PCDHGB5: variants seen among roughly 807,000 people sequenced by gnomAD.
The protein encoded by PCDHGB5 is protocadherin gamma subfamily B, 5.
A neutral mutation model predicts 62.9 loss-of-function variants in PCDHGB5; 48 were observed. The observed-to-expected ratio is 0.76, with a 90% CI of 0.61 to 0.97. The LOEUF (loss-of-function observed/expected upper bound fraction) is 0.97. Among genes scored for constraint, PCDHGB5 ranks in the 50% least tolerant of loss-of-function variants. PCDHGB5 has a pLI of 0.00. For synonymous variants in PCDHGB5, 474 were observed against 511.2 expected, an observed-to-expected ratio of 0.93 and a Z score of 0.98; for missense variants, 1,118 against 1,198.6, an observed-to-expected ratio of 0.93 and a Z score of 0.99.
Position 141,400,052 on chromosome 5 carries a change from T to C in PCDHGB5, c.1925T>C (p.Val642Ala). The change falls in exon 1 of 4, where the codon GTG becomes GCG. Residue 642 changes from valine to alanine, a missense_variant. By Grantham distance (64) the Val-to-Ala change is moderately conservative. This residue lies in a region of PCDHGB5 where 1,034 missense variants were observed against 1,029.1 expected (regional missense o/e 1.00). Transcript: ENST00000617380. ...GCCCGCCAGCGCCTGCTGGTTGCTG[T>C]GCGTGATGGTGGACAGCCGCCACTC... ...DAARQRLLVA[V>A]RDGGQPPLSA... 6.2e-7 allele frequency: 1 copy of C among 1,613,686 alleles called. No homozygotes were observed. The highest frequency in any genetic ancestry group is 8.5e-7 in the Non-Finnish European group (1 of 1,179,840).
chr5:141,441,927 G>A (rs2098285195), intron 1 of PCDHGB5: 2 of 354,242 alleles, frequency 5.6e-6, no homozygotes, highest in Non-Finnish European at 1.1e-5. Flanking sequence ...ACAATGCGTG[G>A]CTGTCCTACC....
intron 1 of PCDHGB5, chr5:141,405,392 T>C: frequency 6.3e-7 from 1 of 1,596,104 alleles, no homozygotes; most frequent in Non-Finnish European, 8.5e-7. Flanking sequence ...TTCATTTTTT[T>C]TCTTTCTTTC....
At chr5:141,422,888 T>C in intron 1 of PCDHGB5, 2 of 1,614,262 alleles carry the variant, frequency 1.2e-6, no homozygotes, top group South Asian at 2.2e-5. Flanking sequence ...CTGTTCGTGC[T>C]GGACCAGAAC....
At chr5:141,468,160 G>C (rs2099158881) in intron 1 of PCDHGB5, among the ~76,000 whole-genome samples, 1 of 151,468 alleles carries the variant, frequency 6.6e-6, no homozygotes, top group African/African-American at 2.4e-5. Context: ...CCCTGTCTCT[G>C]CTAAAAATAG....
chr5:141,403,204 G>A, intron 1 of PCDHGB5: 4 of 1,613,952 alleles, frequency 2.5e-6, no homozygotes, highest in Non-Finnish European at 3.4e-6. Flanking sequence ...GCGGCACCTT[G>A]GTCACCGCGG....
chr5:141,413,435 G>T lies in PCDHGB5; in HGVS notation c.2397+12911G>T, dbSNP rs1018097924. 17 of 1,614,004 alleles carry T rather than the reference G, an allele frequency of 1.1e-5. No homozygotes were observed. The African/African-American group carries it at 2.1e-4, about 20-fold the overall frequency. On this transcript the variant is annotated intron_variant, in intron 1 of 3. Coordinates refer to ENST00000617380, the MANE Select transcript of PCDHGB5 (RefSeq NM_018925.3). Reference sequence around the variant, plus strand: ...TTCTCTCTGAACCCGCGCAGCGGCAGCTTGATCACCGCGGGCAGGATAGAC... The same window carrying T: ...TTCTCTCTGAACCCGCGCAGCGGCATCTTGATCACCGCGGGCAGGATAGAC...
intron 1 of PCDHGB5, chr5:141,423,835 C>T (rs1371309974): frequency 1.2e-5 from 15 of 1,278,290 alleles, no homozygotes; most frequent in African/African-American, 9.4e-5. Flanking sequence ...CATGAGATTA[C>T]GATAATCTTT....
At chr5:141,497,904 A>G (rs939422338) in intron 2 of PCDHGB5, among the ~76,000 whole-genome samples, 2 of 152,136 alleles carry the variant, frequency 1.3e-5, no homozygotes, top group African/African-American at 2.4e-5. Context: ...AGTAACTTCA[A>G]CTTCTCTCCT....
intron 1 of PCDHGB5, among the ~76,000 whole-genome samples, chr5:141,492,482 A>G (rs1339196127): frequency 6.6e-6 from 1 of 152,182 alleles, no homozygotes; most frequent in Non-Finnish European, 1.5e-5. Context: ...GCGGCCGCCC[A>G]GGACCAGGCG....
chr5:141,404,838 C>T (rs1561696680), intron 1 of PCDHGB5: 1 of 1,613,850 alleles, frequency 6.2e-7, no homozygotes, highest in East Asian at 2.2e-5. Flanking sequence ...GTGCGCACAG[C>T]TCGGGCCCTG....
In PCDHGB5 at chr5:141,400,228, C is replaced by T; in HGVS notation, c.2101C>T (p.Leu701=). 1.2e-6 allele frequency: 2 copies of T among 1,614,030 alleles called. No homozygotes were observed. The highest frequency in any genetic ancestry group is 2.7e-5 in the African/African-American group (2 of 75,054). ...ALALISVLFL[L]AVILAVALRL... ...GGCCTTGATCTCAGTGCTCTTCCTC[C>T]TGGCCGTGATTCTGGCCGTTGCCTT... is the stretch of plus-strand genomic sequence containing the variant. The change falls in exon 1 of 4, where the codon CTG becomes TTG. Residue 701 remains leucine (L), a synonymous_variant. Transcript: ENST00000617380.
intron 1 of PCDHGB5, chr5:141,414,187 T>A: frequency 6.2e-7 from 1 of 1,609,834 alleles, no homozygotes; most frequent in South Asian, 1.1e-5. Flanking sequence ...TGCAAAAGTG[T>A]TGATTACAGT....
At chr5:141,433,358 CCTATCTATCTATCTATCTAT>C (rs3074541) in intron 1 of PCDHGB5, 19 of 503,934 alleles carry the variant, frequency 3.8e-5, no homozygotes, top group South Asian at 2.3e-4. Flanking sequence ...CTACTGTCTG[CCTATCTATCTATCTATCTAT>C]CTATCTATCT....
intron 1 of PCDHGB5, chr5:141,414,885 C>T: frequency 6.2e-7 from 1 of 1,614,224 alleles, no homozygotes; most frequent in South Asian, 1.1e-5. Context: ...TGTACCCCGC[C>T]CTCCCCACAG....
intron 1 of PCDHGB5, chr5:141,430,977 A>G (rs761722055): frequency 1.2e-5 from 20 of 1,613,408 alleles, no homozygotes; most frequent in Middle Eastern, 1.7e-4. Flanking sequence ...GGTAGGACGC[A>G]GCTTTTCGCC....
chr5:141,511,361 G>C lies in PCDHGB5; in HGVS notation c.*188G>C, dbSNP rs2099883750. 7.4e-7 allele frequency: 1 copy of C among 1,345,388 alleles called. No individual in the cohort carries two copies. Among genetic ancestry groups the C allele is most frequent in the Non-Finnish European group, 9.9e-7 (1 of 1,006,550 alleles). The allele number at this position is 1,345,388 out of a possible 1,614,324, so 83.3% of individuals were successfully genotyped here. On this transcript the variant is annotated 3_prime_UTR_variant, in exon 4 of 4. Transcript: ENST00000617380. ...CCTACCCCTTCCCCCCCAGGGGGTTGAATATGCAAAAGCAGTTCCGCTGGG... is the reference window on the plus strand; with the variant it reads ...CCTACCCCTTCCCCCCCAGGGGGTTCAATATGCAAAAGCAGTTCCGCTGGG...
At position 141,477,811 on chromosome 5, in the gene PCDHGB5, C is replaced by T. The variant is rs1211574518; in HGVS notation, c.2398-16996C>T. The T allele has an allele frequency of 6.2e-7, 1 of 1,614,164 alleles. No homozygotes were observed. The highest frequency in any genetic ancestry group is 8.5e-7 in the Non-Finnish European group (1 of 1,180,026). ...TCACTGATCGCAATGACAATGCCCC[C>T]CAGGTCCTATATCCTCGGCCAGGTG... is the stretch of plus-strand genomic sequence containing the variant. On this transcript the variant is annotated intron_variant, in intron 1 of 3. Transcript: ENST00000617380. The surrounding 1 kb of genome is among the most constrained non-coding windows in gnomAD (Gnocchi z 4.9).
intron 1 of PCDHGB5, among the ~76,000 whole-genome samples, chr5:141,482,530 C>CAAAAAAAAAAAAAA (rs3074545): frequency 1.2e-4 from 9 of 76,558 alleles, no homozygotes; most frequent in African/African-American, 3.8e-4. Flanking sequence ...GACAGACATG[C>CAAAAAAAAAAAAAA]AAAAAAAAAA....
In PCDHGB5 at chr5:141,432,921, A is replaced by G; in HGVS notation, c.2397+32397A>G. On this transcript the variant is annotated intron_variant, in intron 1 of 3. Transcript: ENST00000617380. The surrounding 1 kb of genome is among the most constrained non-coding windows in gnomAD (Gnocchi z 6.0). ...GCGCTCAGGCTGCGGCGCTGGCACAAGTCACGCCTGCTGCAGGCTTCAGGA... is the reference window on the plus strand; with the variant it reads ...GCGCTCAGGCTGCGGCGCTGGCACAGGTCACGCCTGCTGCAGGCTTCAGGA... 6.2e-7 allele frequency: 1 copy of G among 1,614,114 alleles called. No individual in the cohort carries two copies. The highest frequency in any genetic ancestry group is 1.7e-4 in the Middle Eastern group (1 of 6,060).
Sources: gnomAD v4.1 joint callset for allele counts (sites outside exome capture counted in the v4.1 genomes callset) on GRCh38, gnomAD v4.1.1 for gene constraint, gnomAD v4.1.1 regional missense constraint, Gnocchi (gnomAD v3.1) non-coding constraint, MANE v1.5 for transcripts, NCBI Gene and HGNC (gene_info 2026-07-23, HGNC 2026-07-21) for gene names.